DHX57: variants seen among roughly 807,000 people sequenced by gnomAD.
DHX57 encodes DExH-box helicase 57.
DHX57 carries 105 observed loss-of-function variants against 156.2 expected under a neutral mutation model. That is an observed-to-expected ratio of 0.67 (90% CI 0.57 to 0.79). DHX57 has a LOEUF of 0.79. Among genes scored for constraint, DHX57 ranks in the 30% least tolerant of loss-of-function variants. The pLI is 0.00. For synonymous variants in DHX57, 704 were observed against 595.6 expected, an observed-to-expected ratio of 1.18 and a Z score of -2.65; for missense variants, 1,847 against 1,661.9, an observed-to-expected ratio of 1.11 and a Z score of -1.94.
chr2:38,875,044 C>T (rs768527065), intron 1 of DHX57, among the ~76,000 whole-genome samples: 1 of 152,170 alleles, frequency 6.6e-6, no homozygotes, highest in Non-Finnish European at 1.5e-5. Context: ...AACAAGTTGT[C>T]TCACACCAAC....
At chr2:38,816,379 C>T (rs577122610) in intron 19 of DHX57, among the ~76,000 whole-genome samples, 165 of 151,952 alleles carry the variant, frequency 1.1e-3, no homozygotes, top group African/African-American at 3.8e-3. Flanking sequence ...CACGCCCAGC[C>T]AATTTTTGTA....
At chr2:38,829,913 G>T (rs931002977) in intron 13 of DHX57, among the ~76,000 whole-genome samples, 1 of 152,168 alleles carries the variant, frequency 6.6e-6, no homozygotes, top group Non-Finnish European at 1.5e-5. Context: ...CATGTTAACA[G>T]TTTATGGGCT....
Position 38,815,628 on chromosome 2 carries a change from T to C in DHX57, c.3499A>G (p.Thr1167Ala). Residue 1167 changes from threonine (T) to alanine (A), a missense_variant, in exon 20 of 24, where the codon ACG (threonine) becomes GCG (alanine). Transcript: ENST00000457308. Reference protein sequence around the residue: ...QEMASLKRQFTELLSDIGFAR... With the variant: ...QEMASLKRQFAELLSDIGFAR... ...AACCCTATATCCGATAACAGTTCCG[T>C]GAATTGTCGTTTGAGGCTGGCCATT... is the stretch of plus-strand genomic sequence containing the variant. The C allele has an allele frequency of 3.1e-6, 5 of 1,614,132 alleles. No individual in the cohort carries two copies. The highest frequency in any genetic ancestry group is 4.2e-6 in the Non-Finnish European group (5 of 1,180,028).
intron 2 of DHX57, 30 bp downstream of exon 2, chr2:38,868,152 A>G: frequency 2.5e-6 from 4 of 1,608,196 alleles, no homozygotes; most frequent in Non-Finnish European, 2.6e-6. Context: ...TACCATTTCC[A>G]TATTTAAACA....
intron 21 of DHX57, among the ~76,000 whole-genome samples, chr2:38,809,770 C>A (rs1670147327): frequency 6.6e-6 from 1 of 151,846 alleles, no homozygotes; most frequent in South Asian, 2.1e-4. Context: ...GCCTTCTTTG[C>A]TGTTTTAATT....
At chr2:38,873,472 G>C (rs1665447246) in intron 1 of DHX57, among the ~76,000 whole-genome samples, 1 of 152,166 alleles carries the variant, frequency 6.6e-6, no homozygotes, top group South Asian at 2.1e-4. Context: ...TGTATTCAGA[G>C]TTTATCTTAA....
In DHX57 at chr2:38,822,947, A is replaced by G. The variant is rs770883937; in HGVS notation, c.3291+46T>C. On this transcript the variant is annotated intron_variant, in intron 17 of 23. Coordinates refer to ENST00000457308, the MANE Select transcript of DHX57 (RefSeq NM_198963.3). ...TCCCCCATGGTCCCCTTAGAGACCT[A>G]TGGTCCTCTTAGAGACTCCAGTTTA... The G allele has an allele frequency of 4.4e-6, 7 of 1,588,870 alleles. No individual in the cohort carries two copies. The Admixed American group carries it at 1.0e-4, about 24-fold the overall frequency.
At chr2:38,849,876 T>G (rs1672492157) in intron 9 of DHX57, among the ~76,000 whole-genome samples, 1 of 152,202 alleles carries the variant, frequency 6.6e-6, no homozygotes, top group African/African-American at 2.4e-5. Flanking sequence ...TTGGCTACCT[T>G]ATTTAAAATT....
At chr2:38,863,197 T>C (rs751518653) in intron 3 of DHX57, 164 bp downstream of exon 3, 2 of 735,382 alleles carry the variant, frequency 2.7e-6, no homozygotes, top group African/African-American at 1.8e-5. Context: ...CACTCTAAAA[T>C]TGTGGCTGAA....
intron 19 of DHX57, chr2:38,815,898 GATC>G: frequency 3.7e-6 from 2 of 533,532 alleles, no homozygotes; most frequent in South Asian, 4.3e-5. Context: ...TAAATCCAAG[GATC>G]ATTTATTTAA....
At position 38,860,986 on chromosome 2, in the gene DHX57, A is replaced by T; in HGVS notation, c.1411+13T>A. ...CTGAATGCCTCCCTCCACAAGATCA[A>T]TGCCTTACATACCTTCTGGAATTTG... On this transcript the variant is annotated intron_variant, in intron 5 of 23. Transcript: ENST00000457308. 1 of 1,603,580 alleles carries T rather than the reference A, an allele frequency of 6.2e-7. No individual in the cohort carries two copies. The highest frequency in any genetic ancestry group is 8.5e-7 in the Non-Finnish European group (1 of 1,172,866).
At chr2:38,867,624 T>G (rs569006890) in intron 2 of DHX57, among the ~76,000 whole-genome samples, 1 of 152,300 alleles carries the variant, frequency 6.6e-6, no homozygotes, top group South Asian at 2.1e-4. Flanking sequence ...AGTGGTGTGA[T>G]CTCAGCTCAC....
intron 6 of DHX57, chr2:38,857,131 T>C (rs1672942241): frequency 6.5e-6 from 1 of 154,270 alleles, no homozygotes; most frequent in Non-Finnish European, 1.5e-5. Context: ...TGGCTACATG[T>C]GGCTATTGAG....
At chr2:38,845,071 T>C (rs1289289212) in intron 11 of DHX57, among the ~76,000 whole-genome samples, 1 of 152,028 alleles carries the variant, frequency 6.6e-6, no homozygotes, top group Non-Finnish European at 1.5e-5. Flanking sequence ...GTGGCACACA[T>C]CTGTAGTCCC....
At chr2:38,800,302 C>G (rs947381095) in intron 23 of DHX57, among the ~76,000 whole-genome samples, 1 of 151,608 alleles carries the variant, frequency 6.6e-6, no homozygotes, top group Non-Finnish European at 1.5e-5. Flanking sequence ...TGCAGTGAAC[C>G]GAGATTGCGC....
intron 5 of DHX57, among the ~76,000 whole-genome samples, chr2:38,859,957 G>C (rs1038544776): frequency 1.3e-5 from 2 of 151,914 alleles, no homozygotes; most frequent in African/African-American, 4.8e-5. Context: ...ACTCAGAGGA[G>C]TGCACAACCA....
chr2:38,827,831 G>A (rs1671181310), intron 14 of DHX57, among the ~76,000 whole-genome samples: 1 of 151,884 alleles, frequency 6.6e-6, no homozygotes, highest in South Asian at 2.1e-4. Flanking sequence ...AAAATTACAT[G>A]CAAATTTGCT....
rs762916338 is a variant in DHX57 at position 38,843,112 on chromosome 2, A to G, written c.2318T>C (p.Val773Ala). The G allele has an allele frequency of 2.5e-6, 4 of 1,614,176 alleles. No individual in the cohort carries two copies. In the Admixed American group the frequency reaches 5.0e-5, roughly 20 times the overall value. The change falls in exon 12 of 24, where the codon GTG becomes GCG. Residue 773 changes from valine (V) to alanine (A), a missense_variant. Coordinates refer to ENST00000457308, the MANE Select transcript of DHX57 (RefSeq NM_198963.3). ...AAGGGAGAGCCTTAGGTCTTCTTCC[A>G]CTTCTTCAAATGCAGTTCTGTTCCG... ...ARRNRTAFEE[V>A]EEDLRLSLHL... is the part of the protein sequence containing the mutation.
Position 38,862,257 on chromosome 2 carries a change from C to T in DHX57, c.460G>A (p.Glu154Lys). 1 of 1,613,980 alleles carries T rather than the reference C, an allele frequency of 6.2e-7. No individual in the cohort carries two copies. Residue 154 changes from glutamate to lysine, a missense_variant, in exon 4 of 24, where the codon GAA becomes AAA. Transcript: ENST00000457308. Reference protein sequence around the residue: ...NDERYWPAGQEPSLVPDLDPL... With the variant: ...NDERYWPAGQKPSLVPDLDPL... ...TCCAAGTCGGGAACGAGGGAAGGTT[C>T]CTGTCCAGCTGGCCAGTACCGCTCA...
Sources: gnomAD v4.1 joint callset for allele counts (sites outside exome capture counted in the v4.1 genomes callset) on GRCh38, gnomAD v4.1.1 for gene constraint, MANE v1.5 for transcripts, NCBI Gene and HGNC (gene_info 2026-07-23, HGNC 2026-07-21) for gene names.